EYS: variants seen among roughly 807,000 people sequenced by gnomAD.
EYS encodes EGF-like photoreceptor maintenance factor.
EYS carries 250 observed loss-of-function variants against 282.1 expected under a neutral mutation model. The ratio of observed to expected loss-of-function variants is 0.89; its 90% CI spans 0.80 to 0.98. EYS has a LOEUF of 0.98. EYS is among the 50% of genes least tolerant of loss of function. The pLI, the probability that EYS is intolerant of heterozygous loss-of-function variation, is 0.00. For missense variants in EYS, 4,016 were observed against 3,709.0 expected, an observed-to-expected ratio of 1.08 and a Z score of -2.15; for synonymous variants, 1,355 against 1,282.9, an observed-to-expected ratio of 1.06 and a Z score of -1.20.
At chr6:65,594,795 A>C (rs923665743) in intron 2 of EYS, among the ~76,000 whole-genome samples, 5 of 152,076 alleles carry the variant, frequency 3.3e-5, no homozygotes, top group African/African-American at 1.2e-4. Context: ...TTATGGTTTT[A>C]GGTCTAACAT....
At chr6:65,520,159 G>A (rs561148047) in intron 2 of EYS, among the ~76,000 whole-genome samples, 1 of 152,144 alleles carries the variant, frequency 6.6e-6, no homozygotes, top group African/African-American at 2.4e-5. Flanking sequence ...TATAGAAAAT[G>A]TGTACTTGCA....
chr6:64,704,738 A>T (rs1183405165), intron 22 of EYS, among the ~76,000 whole-genome samples: 1 of 151,898 alleles, frequency 6.6e-6, no homozygotes, highest in African/African-American at 2.4e-5. Context: ...AAGAACAATG[A>T]TTGAATGACT....
chr6:64,114,086 A>C (rs190210449), intron 31 of EYS, among the ~76,000 whole-genome samples: 40 of 152,298 alleles, frequency 2.6e-4, no homozygotes, highest in African/African-American at 9.4e-4. Context: ...ACTTGATTTA[A>C]ACCATGAAAG....
intron 2 of EYS, among the ~76,000 whole-genome samples, chr6:65,620,629 T>C (rs1471436516): frequency 2.0e-5 from 3 of 150,832 alleles, no homozygotes; most frequent in Non-Finnish European, 4.4e-5. Flanking sequence ...TTTCTAGTTC[T>C]TTTAATTGTG....
intron 2 of EYS, among the ~76,000 whole-genome samples, chr6:65,519,709 T>TATATATATATATATATATATATATATA (rs1554205853): frequency 8.8e-5 from 3 of 33,966 alleles, no homozygotes; most frequent in Non-Finnish European, 9.3e-5. Context: ...TATATATATA[T>TATATATATATATATATATATATATATA]TTTTTTTTTT....
chr6:65,518,358 C>A (rs1767221192), intron 2 of EYS, among the ~76,000 whole-genome samples: 1 of 152,078 alleles, frequency 6.6e-6, no homozygotes, highest in South Asian at 2.1e-4. Flanking sequence ...CCAAAAAGGG[C>A]AGGCAATACA....
chr6:64,858,799 A>T (rs549780222), intron 19 of EYS, among the ~76,000 whole-genome samples: 14 of 152,304 alleles, frequency 9.2e-5, no homozygotes, highest in Middle Eastern at 3.4e-3. Flanking sequence ...TGATCAAAAG[A>T]AAACTTTCAA....
intron 19 of EYS, among the ~76,000 whole-genome samples, chr6:64,868,921 T>G (rs1766506179): frequency 6.6e-6 from 1 of 151,516 alleles, no homozygotes; most frequent in African/African-American, 2.4e-5. Flanking sequence ...CTTTTGATTT[T>G]CCCCAGTAAA....
chr6:64,804,928 T>A (rs769847850), intron 22 of EYS, among the ~76,000 whole-genome samples: 23 of 152,074 alleles, frequency 1.5e-4, no homozygotes, highest in Non-Finnish European at 3.2e-4. Flanking sequence ...TAAGAACTTC[T>A]GAAGGAAATA....
At chr6:64,658,811 C>G (rs140158427) in intron 22 of EYS, among the ~76,000 whole-genome samples, 1 of 152,128 alleles carries the variant, frequency 6.6e-6, no homozygotes, top group Non-Finnish European at 1.5e-5. Flanking sequence ...ACCCCACTGT[C>G]AATATTAGAC....
intron 39 of EYS, among the ~76,000 whole-genome samples, chr6:63,780,984 A>G (rs1770207642): frequency 1.3e-5 from 2 of 152,240 alleles, no homozygotes; most frequent in East Asian, 3.8e-4. Flanking sequence ...CAGTTTTCCC[A>G]GAACCATTTA....
At chr6:64,969,522 G>C (rs2150110344) in intron 14 of EYS, among the ~76,000 whole-genome samples, 1 of 152,154 alleles carries the variant, frequency 6.6e-6, no homozygotes, top group East Asian at 1.9e-4. Flanking sequence ...TCCATTCTTG[G>C]CAGCCACAGA....
rs535814692 is a variant in EYS at position 65,620,442 on chromosome 6, T to C, written c.-333+19336A>G. The stretch of plus-strand genomic sequence containing the variant: ...TTATTGTGTCTATTTGATTCTTCTC[T>C]TTTTTTCTTTATTAGTCTTGCTAGC... On this transcript the variant is annotated intron_variant, in intron 2 of 42. Coordinates refer to ENST00000503581, the MANE Select transcript of EYS (RefSeq NM_001142800.2). 5.4e-3 allele frequency among the ~76,000 whole-genome samples: 814 copies of C among 152,120 alleles called. 7 individuals carry two copies. Among genetic ancestry groups the C allele is most frequent in the Middle Eastern group, 0.014 (4 of 294 alleles).
At chr6:63,909,249 G>A (rs1310324151) in intron 35 of EYS, among the ~76,000 whole-genome samples, 1 of 152,094 alleles carries the variant, frequency 6.6e-6, no homozygotes, top group Non-Finnish European at 1.5e-5. Context: ...GAAACTCTTG[G>A]TTTCCTAACT....
rs768385331 is a variant in EYS at position 64,949,391 on chromosome 6, TC to T, written c.2260-3478del. Among the ~76,000 whole-genome samples, 184 of 152,012 alleles carry T rather than the reference TC, an allele frequency of 1.2e-3. 1 individual carries two copies. Among genetic ancestry groups the T allele is most frequent in the Non-Finnish European group, 2.0e-3 (139 of 67,884 alleles). ...TGCCTCTAGGACTCAGATCTCATTT[TC>T]TTGCTAGCTACCAGGTAAAGACTAC... On this transcript the variant is annotated intron_variant, in intron 14 of 42. Coordinates refer to ENST00000503581, the MANE Select transcript of EYS (RefSeq NM_001142800.2).
chr6:64,835,699 T>C (rs1765362035), intron 19 of EYS, among the ~76,000 whole-genome samples: 1 of 151,634 alleles, frequency 6.6e-6, no homozygotes, highest in African/African-American at 2.4e-5. Context: ...TTAATAGATC[T>C]GGGTTTCAAC....
chr6:64,340,993 G>T (rs552091119), intron 29 of EYS, among the ~76,000 whole-genome samples: 1 of 151,562 alleles, frequency 6.6e-6, no homozygotes, highest in African/African-American at 2.4e-5. Flanking sequence ...TCAGAGAAAC[G>T]CAAATCCAAA....
intron 1 of EYS, among the ~76,000 whole-genome samples, chr6:65,646,607 C>T (rs1767459012): frequency 6.6e-6 from 1 of 152,112 alleles, no homozygotes; most frequent in South Asian, 2.1e-4. Flanking sequence ...CTTCTGAGAA[C>T]CAGAACACGA....
At chr6:64,002,235 T>C (rs981235373) in intron 33 of EYS, among the ~76,000 whole-genome samples, 4 of 152,168 alleles carry the variant, frequency 2.6e-5, no homozygotes, top group Admixed American at 2.0e-4. Context: ...GAAGACCATC[T>C]TCCCACTCCA....
Sources: allele counts gnomAD v4.1 joint callset (sites outside exome capture counted in the v4.1 genomes callset), GRCh38; gene constraint gnomAD v4.1.1; transcripts MANE v1.5; gene names NCBI Gene and HGNC (gene_info 2026-07-23, HGNC 2026-07-21).